PAK3: variants seen among roughly 807,000 people sequenced by gnomAD.
PAK3 encodes the protein serine/threonine-protein kinase PAK 3.
PAK3 carries 4 observed loss-of-function variants against 41.0 expected under a neutral mutation model. That is an observed-to-expected ratio of 0.10 (90% CI 0.05 to 0.22). The LOEUF is 0.22. Among genes scored for constraint, PAK3 ranks in the 10% least tolerant of loss-of-function variants. PAK3 has a pLI of 1.00. For synonymous variants in PAK3, 146 were observed against 139.6 expected (o/e 1.05, Z -0.32); for missense variants, 205 against 409.9 (o/e 0.50, Z 4.32).
At chrX:110,999,574 C>T (rs1298608718) in intron 1 of PAK3, among the ~76,000 whole-genome samples, 2 of 109,980 alleles carry the variant, frequency 1.8e-5, no homozygotes, top group East Asian at 5.7e-4. Context: ...GGCAGTCTGG[C>T]TTCAGGGCCT....
At chrX:111,150,670 C>T (rs746078359) in intron 7 of PAK3, among the ~76,000 whole-genome samples, 2 of 111,562 alleles carry the variant, frequency 1.8e-5, no homozygotes, top group African/African-American at 6.5e-5. Context: ...AATTCAATTA[C>T]CTCCCACTGG....
chrX:111,090,178 C>A (rs1321054021), intron 1 of PAK3, among the ~76,000 whole-genome samples: 2 of 111,113 alleles, frequency 1.8e-5, no homozygotes, highest in African/African-American at 6.6e-5. Context: ...TTGGCCATGC[C>A]CTACCATCTT....
intron 13 of PAK3, among the ~76,000 whole-genome samples, chrX:111,193,046 C>A (rs1284018364): frequency 1.8e-5 from 2 of 111,652 alleles, no homozygotes; most frequent in African/African-American, 3.3e-5. Flanking sequence ...TAATCTCAAA[C>A]CTTTTTCCTA....
chrX:111,050,721 G>C (rs1051332007), intron 1 of PAK3, among the ~76,000 whole-genome samples: 1 of 112,155 alleles, frequency 8.9e-6, no homozygotes, highest in Middle Eastern at 4.2e-3. Flanking sequence ...GCTTCATCTT[G>C]AACCCTTGGT....
chrX:111,137,227 G>C (rs1292355374), intron 5 of PAK3, among the ~76,000 whole-genome samples: 1 of 111,540 alleles, frequency 9.0e-6, no homozygotes, highest in Non-Finnish European at 1.9e-5. Flanking sequence ...AGTAAAAAAA[G>C]AGAAAGTCTG....
At chrX:111,072,344 C>T (rs925997070) in intron 1 of PAK3, among the ~76,000 whole-genome samples, 5 of 112,659 alleles carry the variant, frequency 4.4e-5, no homozygotes, top group Non-Finnish European at 9.4e-5. Flanking sequence ...GGACAGAACC[C>T]GGTAATCAAT....
intron 1 of PAK3, among the ~76,000 whole-genome samples, chrX:110,974,110 T>C (rs1411333736): frequency 9.0e-6 from 1 of 111,103 alleles, no homozygotes; most frequent in African/African-American, 3.3e-5. Context: ...CACACAATAA[T>C]AATGGGAGAC....
In PAK3 at chrX:111,096,350, G is replaced by T. The variant is rs911138214; in HGVS notation, c.-418G>T. The T allele has an allele frequency of 8.9e-6, 1 of 111,734 alleles. No homozygotes were observed. The highest frequency in any genetic ancestry group is 3.3e-5 in the African/African-American group (1 of 30,713). The allele number at this position is 111,734 out of a possible 1,213,427, so 9.2% of individuals were successfully genotyped here. A position where few individuals can be genotyped will look rare whatever the true frequency, so the allele number is the denominator to read the frequency against. ...GCGGCCGCGGGGCTGCGGCTCCCCA[G>T]CCCCGCCAGCTGGAGCGCTCGGAGG... On this transcript the variant is annotated 5_prime_UTR_variant, in exon 1 of 18. Transcript: ENST00000372007.
At chrX:111,113,195 G>A (rs566011357) in intron 4 of PAK3, among the ~76,000 whole-genome samples, 9 of 111,521 alleles carry the variant, frequency 8.1e-5, no homozygotes, top group African/African-American at 2.0e-4. Context: ...CTCTGAACCC[G>A]CTGGGAATAT....
At chrX:110,956,531 A>G (rs1372815202) in intron 1 of PAK3, among the ~76,000 whole-genome samples, 1 of 111,328 alleles carries the variant, frequency 9.0e-6, no homozygotes, top group East Asian at 2.9e-4. Flanking sequence ...TGCATAGGGG[A>G]GGCCCCAAGA....
At chrX:110,996,450 T>C (rs1409282555) in intron 1 of PAK3, among the ~76,000 whole-genome samples, 1 of 111,865 alleles carries the variant, frequency 8.9e-6, no homozygotes, top group African/African-American at 3.2e-5. Context: ...TTTTATAGTG[T>C]TCTAGACTAA....
At chrX:111,008,099 A>G (rs767489359) in intron 1 of PAK3, among the ~76,000 whole-genome samples, 12 of 112,275 alleles carry the variant, frequency 1.1e-4, no homozygotes, top group African/African-American at 3.6e-4. Context: ...ATAGTCATGG[A>G]CTTGATGGGC....
At chrX:111,200,239 G>T (rs1424690188) in intron 16 of PAK3, among the ~76,000 whole-genome samples, 1 of 111,674 alleles carries the variant, frequency 9.0e-6, no homozygotes, top group East Asian at 2.8e-4. Context: ...TGCATGTAAA[G>T]AGACCTATAA....
At chrX:111,155,709 A>G (rs897145412) in intron 8 of PAK3, among the ~76,000 whole-genome samples, 1 of 111,267 alleles carries the variant, frequency 9.0e-6, no homozygotes, top group African/African-American at 3.3e-5. Context: ...AATGCTTCAT[A>G]TAAAAGTTGG....
intron 9 of PAK3, 132 bp from the exon 10 acceptor site, chrX:111,163,430 G>A: frequency 1.9e-6 from 1 of 537,343 alleles, no homozygotes. Flanking sequence ...TGTACTTTCA[G>A]CTACTCAAAG....
At position 110,960,338 on chromosome X, in the gene PAK3, G is replaced by A. The variant is rs147513897; in HGVS notation, c.-28+15710G>A. Reference sequence around the variant, plus strand: ...AGCATTGTGGAAAAATTTAAGCAGAGGATGAGGGAATGCTGGGAGAGAGGG... The same window carrying A: ...AGCATTGTGGAAAAATTTAAGCAGAAGATGAGGGAATGCTGGGAGAGAGGG... On this transcript the variant is annotated intron_variant, in intron 1 of 14. Coordinates refer to the PAK3 transcript ENST00000425146. Among the ~76,000 whole-genome samples the A allele has an allele frequency of 2.0e-3, 226 of 112,261 alleles. 1 individual carries two copies. The highest frequency in any genetic ancestry group is 7.0e-3 in the African/African-American group (217 of 30,885).
At chrX:110,991,620 C>A (rs1404073012) in intron 1 of PAK3, among the ~76,000 whole-genome samples, 2 of 112,008 alleles carry the variant, frequency 1.8e-5, no homozygotes, top group African/African-American at 6.5e-5. Flanking sequence ...TTATTATGGC[C>A]AGTTGACCAT....
intron 16 of PAK3, among the ~76,000 whole-genome samples, chrX:111,210,000 C>T (rs1380410130): frequency 8.9e-6 from 1 of 111,838 alleles, no homozygotes; most frequent in African/African-American, 3.3e-5. Flanking sequence ...AGTTGCACAT[C>T]AGTGTCAGTG....
intron 1 of PAK3, among the ~76,000 whole-genome samples, chrX:110,959,156 G>A (rs2090927589): frequency 8.9e-6 from 1 of 111,811 alleles, no homozygotes; most frequent in South Asian, 3.8e-4. Context: ...TGTGGGCTAG[G>A]TCAGGATTGG....
Sources: gnomAD v4.1 joint callset for allele counts (sites outside exome capture counted in the v4.1 genomes callset) on GRCh38, gnomAD v4.1.1 for gene constraint, MANE v1.5 for transcripts, NCBI Gene and HGNC (gene_info 2026-07-23, HGNC 2026-07-21) for gene names.